SYNE2: variants seen among roughly 807,000 people sequenced by gnomAD.
SYNE2 encodes spectrin repeat containing nuclear envelope protein 2, also known as nesprin-2.
Under a neutral mutation model 856.3 loss-of-function variants are expected in SYNE2, and 431 were observed. That is an observed-to-expected ratio of 0.50 (90% CI 0.47 to 0.55). SYNE2 has a LOEUF of 0.55. Ranked by LOEUF, SYNE2 falls within the 20% of genes least tolerant of loss-of-function variation. SYNE2 has a pLI of 0.00. For synonymous variants in SYNE2, 2,923 were observed against 2,872.3 expected (o/e 1.02, Z -0.56); for missense variants, 8,129 against 8,023.2 (o/e 1.01, Z -0.50).
Position 63,905,347 on chromosome 14 carries a change from A to C in SYNE2, c.-51-3751A>C, listed in dbSNP as rs148257710. Among the ~76,000 whole-genome samples the C allele has an allele frequency of 2.0e-5, 3 of 152,272 alleles. No individual in the cohort carries two copies. In the East Asian group the frequency reaches 5.8e-4, roughly 29 times the overall value. ...GTTGTTTTTTCTAATTCTGTGAAGAATGTTCATAGTTTGATAGCAATGGCA... is the reference window on the plus strand; with the variant it reads ...GTTGTTTTTTCTAATTCTGTGAAGACTGTTCATAGTTTGATAGCAATGGCA... On this transcript the variant is annotated intron_variant, in intron 1 of 115. Transcript: ENST00000555002.
At chr14:64,023,387 T>C (rs558713277) in intron 38 of SYNE2, 1 of 153,924 alleles carries the variant, frequency 6.5e-6, no homozygotes, top group East Asian at 1.9e-4. Context: ...GCTTACAGAA[T>C]CTCTACTTTT....
At chr14:63,947,631 T>G (rs1473300885) in intron 6 of SYNE2, among the ~76,000 whole-genome samples, 1 of 151,772 alleles carries the variant, frequency 6.6e-6, no homozygotes, top group Non-Finnish European at 1.5e-5. Flanking sequence ...AGGTTGGGAG[T>G]TCGAGACCAA....
intron 22 of SYNE2, among the ~76,000 whole-genome samples, chr14:63,994,332 T>C (rs1272984681): frequency 1.2e-4 from 18 of 152,222 alleles, no homozygotes; most frequent in Admixed American, 1.1e-3. Context: ...AATGATAATA[T>C]TGAAATGTGT....
rs373355920 is a variant in SYNE2, at chr14:64,056,042, C to A, written c.9843C>A (p.Pro3281=). ...SITSLEAIII[P]YRVDVGNPEE... ...CTTCCCTCGAAGCCATCATTATACCCTACAGAGTAGATGTTGGTAATCCAG... is the reference window on the plus strand; with the variant it reads ...CTTCCCTCGAAGCCATCATTATACCATACAGAGTAGATGTTGGTAATCCAG... The change falls in exon 49 of 116, where the codon CCC becomes CCA. Residue 3281 remains proline (P), a synonymous_variant. Transcript: ENST00000555002. The A allele has an allele frequency of 4.5e-5, 72 of 1,614,134 alleles. 1 individual carries two copies. The African/African-American group carries it at 9.1e-4, about 20-fold the overall frequency.
intron 66 of SYNE2, 64 bp downstream of exon 66, chr14:64,113,635 A>G: frequency 6.7e-7 from 1 of 1,497,820 alleles, no homozygotes; most frequent in South Asian, 1.2e-5. Flanking sequence ...AGATTGGGTG[A>G]ATTTCTCTTA....
chr14:64,170,102 A>G, intron 93 of SYNE2, 126 bp from the exon 94 acceptor site: 1 of 886,502 alleles, frequency 1.1e-6, no homozygotes, highest in East Asian at 2.6e-5. Flanking sequence ...TCAGGTGTTT[A>G]GAAGTTGGGA....
rs772000915 is a variant in SYNE2 at position 63,944,139 on chromosome 14, TATAA to T, written c.408+2001_408+2004del. Among the ~76,000 whole-genome samples, 224 of 151,418 alleles carry T rather than the reference TATAA, an allele frequency of 1.5e-3. 6 individuals carry two copies. The highest frequency in any genetic ancestry group is 1.3e-3 in the Non-Finnish European group (90 of 67,836). On this transcript the variant is annotated intron_variant, in intron 6 of 115. Transcript: ENST00000555002. ...GTAATCTACCACTCACTATAACTGCTATAAATAATTTAGTGTATAGTCTTTATGA... is the reference window on the plus strand; with the variant it reads ...GTAATCTACCACTCACTATAACTGCTATAATTTAGTGTATAGTCTTTATGA...
chr14:63,982,924 T>A lies in SYNE2; in HGVS notation c.2001+130T>A, dbSNP rs540143862. 4 of 932,862 alleles carry A rather than the reference T, an allele frequency of 4.3e-6. No homozygotes were observed. In the African/African-American group the frequency reaches 6.7e-5, roughly 16 times the overall value. 57.8% of individuals were successfully genotyped at this position (932,862 alleles called of 1,614,324 possible). A position where few individuals can be genotyped will look rare whatever the true frequency, so the allele number is the denominator to read the frequency against. On this transcript the variant is annotated intron_variant, in intron 17 of 115. Coordinates refer to ENST00000555002, the MANE Select transcript of SYNE2 (RefSeq NM_182914.3). ...TTACGTAGCCATTACCATAAAAAAT[T>A]TAGAACATTTTTATTACTTCATAAG...
Position 63,909,175 on chromosome 14 carries a change from C to T in SYNE2, c.27C>T (p.Thr9=), listed in dbSNP as rs755131989. 9.3e-6 allele frequency: 15 copies of T among 1,613,004 alleles called. No individual in the cohort carries two copies. In the East Asian group the frequency reaches 1.3e-4, roughly 14 times the overall value. ...TGGCATCTAGTCCTGAGCTTCCCACCGAAGATGAACAGGGTTCCTGGGGCA... is the reference window on the plus strand; with the variant it reads ...TGGCATCTAGTCCTGAGCTTCCCACTGAAGATGAACAGGGTTCCTGGGGCA... The part of the protein sequence containing the change: MASSPELP[T]EDEQGSWGID... The change falls in exon 2 of 116, where the codon ACC becomes ACT. Residue 9 remains threonine (T), a synonymous_variant. Coordinates refer to ENST00000555002, the MANE Select transcript of SYNE2 (RefSeq NM_182914.3).
At chr14:63,958,872 T>G (rs980838278) in intron 8 of SYNE2, among the ~76,000 whole-genome samples, 2 of 152,230 alleles carry the variant, frequency 1.3e-5, no homozygotes, top group Non-Finnish European at 2.9e-5. Context: ...TTTATTTTAA[T>G]GGTCAATTTT....
chr14:64,039,580 G>A lies in SYNE2; in HGVS notation c.7221+8223G>A, dbSNP rs966233394. Among the ~76,000 whole-genome samples, 8 of 152,208 alleles carry A rather than the reference G, an allele frequency of 5.3e-5. No individual in the cohort carries two copies. The East Asian group carries it at 7.7e-4, about 15-fold the overall frequency. ...GAAAAAGCAACATTTTAAAAAAAGA[G>A]TAGACGTTGTTGGCCATGTAGCCCA... On this transcript the variant is annotated intron_variant, in intron 45 of 115. Transcript: ENST00000555002.
intron 51 of SYNE2, among the ~76,000 whole-genome samples, chr14:64,068,838 GGT>G (rs1353007390): frequency 7.2e-6 from 1 of 139,078 alleles, no homozygotes; most frequent in African/African-American, 2.8e-5. Context: ...CTCCAGCCTG[GGT>G]GACAGAGAGA....
At chr14:63,857,068 C>T (rs1050338139) in intron 1 of SYNE2, among the ~76,000 whole-genome samples, 7 of 152,238 alleles carry the variant, frequency 4.6e-5, no homozygotes, top group Admixed American at 6.5e-5. Context: ...CCCTTGGCCT[C>T]GTGTTTACAT....
At chr14:63,819,101 C>T (rs1229771743) in intron 1 of SYNE2, among the ~76,000 whole-genome samples, 1 of 151,408 alleles carries the variant, frequency 6.6e-6, no homozygotes, top group Admixed American at 6.6e-5. Flanking sequence ...GGTAAAACTG[C>T]TTATATCTGA....
At chr14:63,827,625 C>CAAAAAAAAAAAAAAACAAAAAAA (rs1889486919) in intron 1 of SYNE2, among the ~76,000 whole-genome samples, 17 of 28,406 alleles carry the variant, frequency 6.0e-4, no homozygotes, top group East Asian at 2.0e-3. Flanking sequence ...AACTCTGTCT[C>CAAAAAAAAAAAAAAACAAAAAAA]AAAAAAAAAA....
chr14:64,122,327 T>G lies in SYNE2; in HGVS notation c.13322T>G (p.Ile4441Ser). The change falls in exon 70 of 116, where the codon ATC becomes AGC. Residue 4441 changes from isoleucine (I) to serine (S), a missense_variant. This residue lies in a region of SYNE2 where 5,410 missense variants were observed against 5,284.8 expected (regional missense o/e 1.02). Transcript: ENST00000555002. Reference sequence around the variant, plus strand: ...CCTGAAAATGACGTTCCAGACTCGATCTTGTCACCCCAGGGCCAAAATGGA... The same window carrying G: ...CCTGAAAATGACGTTCCAGACTCGAGCTTGTCACCCCAGGGCCAAAATGGA... Reference protein sequence around the residue: ...SSPENDVPDSILSPQGQNGDK... With the variant: ...SSPENDVPDSSLSPQGQNGDK... 6.2e-7 allele frequency: 1 copy of G among 1,614,214 alleles called. No homozygotes were observed. Among genetic ancestry groups the G allele is most frequent in the Non-Finnish European group, 8.5e-7 (1 of 1,180,034 alleles).
At chr14:63,986,405 TTTG>T in intron 18 of SYNE2, 48 bp from the exon 19 acceptor site, 1 of 1,600,834 alleles carries the variant, frequency 6.2e-7, no homozygotes, top group Non-Finnish European at 8.5e-7. Context: ...GGAAAATTAT[TTTG>T]TTATGTACAT....
intron 1 of SYNE2, among the ~76,000 whole-genome samples, chr14:63,779,652 T>G (rs921212445): frequency 3.3e-5 from 5 of 152,080 alleles, no homozygotes; most frequent in African/African-American, 9.7e-5. Flanking sequence ...TGGCCCACAC[T>G]TGTAATACCA....
intron 2 of SYNE2, among the ~76,000 whole-genome samples, chr14:63,918,958 C>G (rs1225990348): frequency 6.6e-6 from 1 of 152,186 alleles, no homozygotes; most frequent in Non-Finnish European, 1.5e-5. Flanking sequence ...CTCCGTCTGC[C>G]TCCATCTGAA....
Sources: gnomAD v4.1 joint callset for allele counts (sites outside exome capture counted in the v4.1 genomes callset) on GRCh38, gnomAD v4.1.1 for gene constraint, gnomAD v4.1.1 regional missense constraint, MANE v1.5 for transcripts, NCBI Gene and HGNC (gene_info 2026-07-23, HGNC 2026-07-21) for gene names.